The following VCPKMT variants were observed in gnomAD, a reference collection of about 807,000 sequenced individuals.
VCPKMT encodes the protein protein N-lysine methyltransferase METTL21D.
Under a neutral mutation model 28.6 loss-of-function variants are expected in VCPKMT, and 32 were observed. The observed-to-expected ratio is 1.12, with a 90% CI of 0.84 to 1.50. The LOEUF (loss-of-function observed/expected upper bound fraction) is 1.50, where lower values mean the gene tolerates loss of function less well. Ranked by LOEUF, VCPKMT falls within the 40% of genes most tolerant of loss-of-function variation. The pLI is 0.00. For missense variants in VCPKMT, 366 were observed against 285.0 expected (o/e 1.28, Z -2.05); for synonymous variants, 138 against 111.4 (o/e 1.24, Z -1.50).
Position 50,108,739 on chromosome 14 carries a change from G to A in VCPKMT, c.*960C>T. ...GGTTACTACTCTTTGGAACAAGTAT[G>A]ATTAAAGTCCTTGACAGATTATTGT... On this transcript the variant is annotated 3_prime_UTR_variant, in exon 6 of 6. Coordinates refer to ENST00000395860, the MANE Select transcript of VCPKMT (RefSeq NM_024558.3). 4.1e-6 allele frequency: 4 copies of A among 985,822 alleles called. No individual in the cohort carries two copies. The highest frequency in any genetic ancestry group is 4.8e-6 in the Non-Finnish European group (4 of 829,920). 61.1% of individuals were successfully genotyped at this position (985,822 alleles called of 1,614,324 possible).
At chr14:50,103,609 T>C in the VCPKMT span, among the ~76,000 whole-genome samples, 1 of 152,202 alleles carries the variant, frequency 6.6e-6, no homozygotes, top group African/African-American at 2.4e-5. Flanking sequence ...TCTGTCCCTA[T>C]TGGCCTTCGA....
At position 50,116,540 on chromosome 14, in the gene VCPKMT, G is replaced by C. The variant is rs755616608; in HGVS notation, c.13C>G (p.Leu5Val). Residue 5 changes from leucine (L) to valine (V), a missense_variant, in exon 1 of 6, where the codon CTG (leucine) becomes GTG (valine). Transcript: ENST00000395860. MADT[L>V]ESSLEDPLRS... ...AGTGGGTCCTCCAGCGAGGACTCCA[G>C]CGTATCCGCCATTGCGCCCGGCAAC... is the stretch of plus-strand genomic sequence containing the variant. 4 of 1,609,152 alleles carry C rather than the reference G, an allele frequency of 2.5e-6. No homozygotes were observed. The highest frequency in any genetic ancestry group is 2.5e-6 in the Non-Finnish European group (3 of 1,177,112).
At chr14:50,110,257 T>A (rs1387630734) in intron 5 of VCPKMT, among the ~76,000 whole-genome samples, 2 of 151,514 alleles carry the variant, frequency 1.3e-5, no homozygotes, top group African/African-American at 4.9e-5. Context: ...AAAAGAAAAA[T>A]AAGAAAATAA....
intron 5 of VCPKMT, chr14:50,111,588 A>C (rs1882666050): frequency 1.0e-6 from 1 of 985,322 alleles, no homozygotes; most frequent in Non-Finnish European, 1.2e-6. Context: ...ATACAAAAAT[A>C]GATGAAAGGC....
intron 5 of VCPKMT, 111 bp downstream of exon 5, chr14:50,112,504 T>A (rs145559372): frequency 4.6e-6 from 3 of 656,312 alleles, no homozygotes; most frequent in Non-Finnish European, 7.8e-6. Flanking sequence ...AGTGAATCAT[T>A]AGAGCTGTTT....
At chr14:50,112,456 A>G (rs1882752463) in intron 5 of VCPKMT, among the ~76,000 whole-genome samples, 159 bp downstream of exon 5, 1 of 150,216 alleles carries the variant, frequency 6.7e-6, no homozygotes, top group African/African-American at 2.4e-5. Flanking sequence ...GGCAAGATAG[A>G]TTAAATTATC....
At chr14:50,114,430 G>C in intron 3 of VCPKMT, 26 bp from the exon 4 acceptor site, 1 of 1,405,990 alleles carries the variant, frequency 7.1e-7, no homozygotes, top group Admixed American at 3.1e-5. Context: ...TATATTTTTT[G>C]TTTTTGATTT....
chr14:50,114,383 T>C lies in VCPKMT; in HGVS notation c.472A>G (p.Thr158Ala). The part of the protein sequence containing the change: ...YEESLEPLLK[T>A]LKDISGFETC... The stretch of plus-strand genomic sequence containing the variant: ...TCAAATCCGCTGATATCTTTTAGAG[T>C]TTTCAGCAATGGCTCCAAAGACTAT... The change falls in exon 4 of 6, where the codon ACT (threonine) becomes GCT (alanine). Residue 158 changes from threonine to alanine, a missense_variant. Physicochemically the swap from Thr to Ala is moderately conservative, Grantham distance 58. Transcript: ENST00000395860. 1 of 1,556,862 alleles carries C rather than the reference T, an allele frequency of 6.4e-7. No homozygotes were observed. Among genetic ancestry groups the C allele is most frequent in the South Asian group, 1.3e-5 (1 of 79,130 alleles).
chr14:50,112,601 AGAAT>A lies in VCPKMT; in HGVS notation c.675+10_675+13del. 1.4e-6 allele frequency: 2 copies of A among 1,470,460 alleles called. No homozygotes were observed. Among genetic ancestry groups the A allele is most frequent in the Non-Finnish European group, 1.9e-6 (2 of 1,074,004 alleles). The allele number at this position is 1,470,460 out of a possible 1,614,324, so 91.1% of individuals were successfully genotyped here. A position where few individuals can be genotyped will look rare whatever the true frequency, so the allele number is the denominator to read the frequency against. On this transcript the variant is annotated intron_variant, in intron 5 of 5. Coordinates refer to ENST00000395860, the MANE Select transcript of VCPKMT (RefSeq NM_024558.3). Reference sequence around the variant, plus strand: ...AACCTCCTTGGAGAATGAAGAACTGAGAATGTTATTTACCGATTTTTTCTTTCTG... The same window carrying A: ...AACCTCCTTGGAGAATGAAGAACTGAGTTATTTACCGATTTTTTCTTTCTG...
intron 4 of VCPKMT, among the ~76,000 whole-genome samples, chr14:50,113,124 G>A (rs917800167): frequency 2.0e-5 from 3 of 152,130 alleles, no homozygotes; most frequent in African/African-American, 7.2e-5. Context: ...AAAGGGCAGT[G>A]TGCAAACCTT....
chr14:50,111,814 G>A, intron 5 of VCPKMT: 1 of 796,324 alleles, frequency 1.3e-6, no homozygotes, highest in Non-Finnish European at 1.5e-6. Context: ...TCTTGAGCCT[G>A]CAAGGCAGAG....
In VCPKMT at chr14:50,112,082, T is replaced by C. The variant is rs187166172; in HGVS notation, c.675+533A>G. 150 of 984,662 alleles carry C rather than the reference T, an allele frequency of 1.5e-4. No individual in the cohort carries two copies. In the African/African-American group the frequency reaches 2.6e-3, roughly 17 times the overall value. 61.0% of individuals were successfully genotyped at this position (984,662 alleles called of 1,614,324 possible). A position where few individuals can be genotyped will look rare whatever the true frequency, so the allele number is the denominator to read the frequency against. ...GACTCATCTGCCTTGTTGTATTTCA[T>C]TTCCTGTAAACAATTTTTAATAAGG... On this transcript the variant is annotated intron_variant, in intron 5 of 5. Coordinates refer to ENST00000395860, the MANE Select transcript of VCPKMT (RefSeq NM_024558.3).
rs1027547484 is a variant in VCPKMT, at chr14:50,115,839, C to G, written c.450G>C (p.Glu150Asp). 1 of 1,603,674 alleles carries G rather than the reference C, an allele frequency of 6.2e-7. No individual in the cohort carries two copies. Among genetic ancestry groups the G allele is most frequent in the Non-Finnish European group, 8.5e-7 (1 of 1,171,546 alleles). Residue 150 changes from glutamate (E) to aspartate (D), a missense_variant and splice_region_variant, in exon 3 of 6, where the codon GAG (glutamate) becomes GAC (aspartate). By Grantham distance (45) the Glu-to-Asp change is conservative. Coordinates refer to ENST00000395860, the MANE Select transcript of VCPKMT (RefSeq NM_024558.3). ...GAGACTTCGCTCACTGGATACTTACCTCTTCATAGTATATGCAGTCGGCCA... is the reference window on the plus strand; with the variant it reads ...GAGACTTCGCTCACTGGATACTTACGTCTTCATAGTATATGCAGTCGGCCA... ...ILMADCIYYE[E>D]SLEPLLKTLK... is the part of the protein sequence containing the mutation.
chr14:50,103,042 AT>A, the VCPKMT span, among the ~76,000 whole-genome samples: 1 of 152,206 alleles, frequency 6.6e-6, no homozygotes, highest in Non-Finnish European at 1.5e-5. Flanking sequence ...ACATTATAAG[AT>A]TTTTTTGCAA....
At chr14:50,113,634 T>C (rs956205236) in intron 4 of VCPKMT, 8 of 146,784 alleles carry the variant, frequency 5.5e-5, no homozygotes, top group Non-Finnish European at 3.0e-5. Context: ...ACCCTAAAAA[T>C]AGACAGGTAT....
intron 5 of VCPKMT, among the ~76,000 whole-genome samples, chr14:50,110,730 A>C (rs1354667594): frequency 3.3e-5 from 5 of 152,220 alleles, no homozygotes; most frequent in Non-Finnish European, 7.3e-5. Flanking sequence ...TCACACAAAA[A>C]TTTGTAGATG....
At chr14:50,108,081 A>G (rs962793809), downstream of VCPKMT, among the ~76,000 whole-genome samples, 1 of 151,536 alleles carries the variant, frequency 6.6e-6, no homozygotes, top group African/African-American at 2.4e-5. Flanking sequence ...TCCAGCTACT[A>G]AGGAGGGTGA....
In VCPKMT at chr14:50,109,571, C is replaced by A. The variant is rs953846922; in HGVS notation, c.*128G>T. ...CCCCTGGTGGTCATCATCTATACATCGGATCTCTAAGGACGTGCCGGAAAA... is the reference window on the plus strand; with the variant it reads ...CCCCTGGTGGTCATCATCTATACATAGGATCTCTAAGGACGTGCCGGAAAA... On this transcript the variant is annotated 3_prime_UTR_variant, in exon 6 of 6. Coordinates refer to ENST00000395860, the MANE Select transcript of VCPKMT (RefSeq NM_024558.3). The A allele has an allele frequency of 5.6e-6, 8 of 1,418,366 alleles. No individual in the cohort carries two copies. In the Admixed American group the frequency reaches 2.6e-4, roughly 47 times the overall value. The allele number at this position is 1,418,366 out of a possible 1,614,324, so 87.9% of individuals were successfully genotyped here.
chr14:50,112,012 G>GA, intron 5 of VCPKMT: 7 of 985,154 alleles, frequency 7.1e-6, no homozygotes, highest in Non-Finnish European at 8.4e-6. Context: ...CAAGAAGCGG[G>GA]AAAATACATA....
Sources: allele counts gnomAD v4.1 joint callset (sites outside exome capture counted in the v4.1 genomes callset), GRCh38; gene constraint gnomAD v4.1.1; transcripts MANE v1.5; gene names NCBI Gene and HGNC (gene_info 2026-07-23, HGNC 2026-07-21).